Variants in DDI2 observed in about 807,000 individuals in gnomAD.
The protein encoded by DDI2 is DDI proteasomal shuttling factor 2.
DDI2 carries 5 observed loss-of-function variants against 48.1 expected under a neutral mutation model. The observed-to-expected ratio is 0.10, with a 90% CI of 0.05 to 0.22. The LOEUF (loss-of-function observed/expected upper bound fraction) is 0.22. Ranked by LOEUF, DDI2 falls within the 10% of genes least tolerant of loss-of-function variation. The probability of loss-of-function intolerance (pLI) is 1.00; values close to 1 mark genes in which losing one functional copy is unlikely to be tolerated. For missense variants in DDI2, 285 were observed against 506.2 expected (o/e 0.56, Z 4.19); for synonymous variants, 205 against 183.6 (o/e 1.12, Z -0.94).
chr1:15,640,643 C>T (rs1639993059), intron 5 of DDI2, among the ~76,000 whole-genome samples: 1 of 152,130 alleles, frequency 6.6e-6, no homozygotes, highest in Non-Finnish European at 1.5e-5. Context: ...TGAAAGGGGC[C>T]CTTCTCATCC....
intron 2 of DDI2, among the ~76,000 whole-genome samples, chr1:15,629,425 A>G (rs572291991): frequency 1.2e-4 from 19 of 152,020 alleles, no homozygotes; most frequent in African/African-American, 4.6e-4. Context: ...GTGAAATCCC[A>G]TCTCTACTAA....
chr1:15,652,058 CTTTTTTT>C lies in DDI2; in HGVS notation c.1183+181_1183+187del, dbSNP rs772990709. On this transcript the variant is annotated intron_variant, in intron 8 of 9. Transcript: ENST00000480945. ...TTCTTAACCTCCTTCTTTGATCTTC[CTTTTTTT>C]TTTTTTTTTTTTTTTTTGGAGACAT... 9.4e-3 allele frequency among the ~76,000 whole-genome samples: 713 copies of C among 75,978 alleles called. 11 individuals carry two copies. Among genetic ancestry groups the C allele is most frequent in the African/African-American group, 0.041 (624 of 15,238 alleles). 49.8% of individuals were successfully genotyped at this position (75,978 alleles called of 152,430 possible). A position where few individuals can be genotyped will look rare whatever the true frequency, so the allele number is the denominator to read the frequency against.
At chr1:15,630,250 A>C (rs972334868) in intron 2 of DDI2, 75 bp from the exon 3 acceptor site, 9 of 1,355,076 alleles carry the variant, frequency 6.6e-6, no homozygotes, top group Non-Finnish European at 9.4e-6. Flanking sequence ...TGTATGAGCA[A>C]GTGTTCTGCT....
chr1:15,646,396 A>G (rs1320615962), intron 6 of DDI2, among the ~76,000 whole-genome samples: 2 of 152,124 alleles, frequency 1.3e-5, no homozygotes, highest in South Asian at 2.1e-4. Flanking sequence ...TTAAAAATGT[A>G]TGCCTTAGGG....
Position 15,667,752 on chromosome 1 carries a change from G to C in DDI2, c.*7962G>C, listed in dbSNP as rs1479144686. 1 of 152,164 alleles carries C rather than the reference G, an allele frequency of 6.6e-6. No homozygotes were observed. The highest frequency in any genetic ancestry group is 1.5e-5 in the Non-Finnish European group (1 of 68,036). The allele number at this position is 152,164 out of a possible 1,614,324, so 9.4% of individuals were successfully genotyped here. On this transcript the variant is annotated 3_prime_UTR_variant, in exon 10 of 10. Coordinates refer to ENST00000480945, the MANE Select transcript of DDI2 (RefSeq NM_032341.5). Reference sequence around the variant, plus strand: ...CTGAAGCATACAGGTAGAATTTCTGGATCGTAACTACTAGTGACTTCTGAG... The same window carrying C: ...CTGAAGCATACAGGTAGAATTTCTGCATCGTAACTACTAGTGACTTCTGAG...
rs68060891 is a variant in DDI2 at position 15,624,053 on chromosome 1, A to AAAAT, written c.139-2598_139-2595dup. On this transcript the variant is annotated intron_variant, in intron 1 of 9. Coordinates refer to ENST00000480945, the MANE Select transcript of DDI2 (RefSeq NM_032341.5). The stretch of plus-strand genomic sequence containing the variant: ...CTGGGCGAGAGCGAGACTCCGTCTC[A>AAAAT]AAATAAATAAATAAATAAATACCGT... Among the ~76,000 whole-genome samples the AAAAT allele has an allele frequency of 2.3e-4, 35 of 152,212 alleles. No homozygotes were observed. In the East Asian group the frequency reaches 3.1e-3, roughly 13 times the overall value.
At chr1:15,654,547 TTGAGAGGCTGAGA>T (rs138360118) in intron 8 of DDI2, among the ~76,000 whole-genome samples, 5,039 of 151,936 alleles carry the variant, frequency 0.033, 270 homozygotes, top group African/African-American at 0.11. Context: ...TCTCAGCTGT[TTGAGAGGCTGAGA>T]TGGGAGGATC....
At chr1:15,619,060 A>C (rs1639611553) in intron 1 of DDI2, among the ~76,000 whole-genome samples, 1 of 152,234 alleles carries the variant, frequency 6.6e-6, no homozygotes, top group Non-Finnish European at 1.5e-5. Flanking sequence ...TGAATGCCTC[A>C]TGTGGAGAAC....
Position 15,658,091 on chromosome 1 carries a change from A to G in DDI2, c.*46+1412A>G, listed in dbSNP as rs114991421. Among the ~76,000 whole-genome samples the G allele has an allele frequency of 8.7e-3, 1,330 of 152,240 alleles. 18 individuals carry two copies. Among genetic ancestry groups the G allele is most frequent in the African/African-American group, 0.029 (1,218 of 41,536 alleles). On this transcript the variant is annotated intron_variant, in intron 9 of 9. Transcript: ENST00000480945. ...TGAGCATTTGAGTTGCATCTGTCCTAATAATAGATTGTATTTTGAAGTCAT... is the reference window on the plus strand; with the variant it reads ...TGAGCATTTGAGTTGCATCTGTCCTGATAATAGATTGTATTTTGAAGTCAT...
intron 9 of DDI2, among the ~76,000 whole-genome samples, chr1:15,657,628 C>CT (rs1267070485): frequency 6.6e-6 from 1 of 152,160 alleles, no homozygotes; most frequent in Admixed American, 6.5e-5. Context: ...CTTGACCTCA[C>CT]TTGTTTATAA....
rs546387056 is a variant in DDI2 at position 15,659,986 on chromosome 1, A to G, written c.*196A>G. ...CTCTGTCTCTGCTTCAGTCTGCCCT[A>G]TCAAGCCCAGTGACTCAGATCGCAT... is the stretch of plus-strand genomic sequence containing the variant. On this transcript the variant is annotated 3_prime_UTR_variant, in exon 10 of 10. Coordinates refer to ENST00000480945, the MANE Select transcript of DDI2 (RefSeq NM_032341.5). 9.3e-6 allele frequency: 15 copies of G among 1,614,186 alleles called. No individual in the cohort carries two copies. Among genetic ancestry groups the G allele is most frequent in the African/African-American group, 8.0e-5 (6 of 75,040 alleles).
Position 15,662,841 on chromosome 1 carries a change from G to A in DDI2, c.*3051G>A, listed in dbSNP as rs964843042. ...ATAGTAATTACAGTTTCTGACTTAA[G>A]TGGCCTTGGTAGAGTTTTCCATCCT... On this transcript the variant is annotated 3_prime_UTR_variant, in exon 10 of 10. Transcript: ENST00000480945. 3.3e-5 allele frequency: 5 copies of A among 152,242 alleles called. No individual in the cohort carries two copies. The highest frequency in any genetic ancestry group is 7.3e-5 in the Non-Finnish European group (5 of 68,052). The allele number at this position is 152,242 out of a possible 1,614,324, so 9.4% of individuals were successfully genotyped here. A position where few individuals can be genotyped will look rare whatever the true frequency, so the allele number is the denominator to read the frequency against.
Position 15,626,677 on chromosome 1 carries a change from T to C in DDI2, c.147T>C (p.Tyr49=), listed in dbSNP as rs1639759869. The change falls in exon 2 of 10, where the codon TAT becomes TAC. Residue 49 remains tyrosine, a synonymous_variant. Transcript: ENST00000480945. The stretch of plus-strand genomic sequence containing the variant: ...ATCTTTTCTTGTTGTAGATCGTCTA[T>C]GCGGAAAGACCTCTCACAGACAACC... ...GIPAAESQIV[Y]AERPLTDNHR... The C allele has an allele frequency of 1.2e-6, 2 of 1,614,040 alleles. No individual in the cohort carries two copies. Among genetic ancestry groups the C allele is most frequent in the Admixed American group, 1.7e-5 (1 of 59,988 alleles).
At position 15,659,969 on chromosome 1, in the gene DDI2, C is replaced by T. The variant is rs1284622765; in HGVS notation, c.*179C>T. The T allele has an allele frequency of 1.2e-6, 2 of 1,614,214 alleles. No homozygotes were observed. The highest frequency in any genetic ancestry group is 1.7e-6 in the Non-Finnish European group (2 of 1,180,032). ...CCTATGAGTCTTGCTCGCTCTGTCT[C>T]TGCTTCAGTCTGCCCTATCAAGCCC... On this transcript the variant is annotated 3_prime_UTR_variant, in exon 10 of 10. Transcript: ENST00000480945.
At chr1:15,622,156 C>G (rs1373971858) in intron 1 of DDI2, among the ~76,000 whole-genome samples, 1 of 150,532 alleles carries the variant, frequency 6.6e-6, no homozygotes, top group Admixed American at 6.6e-5. Flanking sequence ...TCACTGTATC[C>G]TCAACATGTT....
intron 9 of DDI2, among the ~76,000 whole-genome samples, chr1:15,658,919 C>T (rs1640316023): frequency 6.6e-6 from 1 of 152,130 alleles, no homozygotes. Flanking sequence ...TAGTCATTGC[C>T]AGTTGAAAAA....
At chr1:15,629,448 T>C (rs2103464396) in intron 2 of DDI2, among the ~76,000 whole-genome samples, 2 of 151,842 alleles carry the variant, frequency 1.3e-5, no homozygotes, top group Middle Eastern at 6.8e-3. Flanking sequence ...ATACAAAAAA[T>C]TAGCTGGGCG....
chr1:15,649,384 T>G (rs1379738244), intron 6 of DDI2, among the ~76,000 whole-genome samples: 1 of 145,722 alleles, frequency 6.9e-6, no homozygotes, highest in African/African-American at 2.6e-5. Flanking sequence ...TGAAAAGAAC[T>G]TTTCAGCTGG....
Position 15,660,517 on chromosome 1 carries a change from A to C in DDI2, c.*727A>C, listed in dbSNP as rs1187905628. On this transcript the variant is annotated 3_prime_UTR_variant, in exon 10 of 10. Transcript: ENST00000480945. ...AATTGTTGATTTGGAAGCTACGATG[A>C]AAGGAAATGGGCTCCCACAGAATGT... 1.2e-6 allele frequency: 2 copies of C among 1,613,690 alleles called. No individual in the cohort carries two copies. The highest frequency in any genetic ancestry group is 2.2e-5 in the East Asian group (1 of 44,878).
Sources: allele counts gnomAD v4.1 joint callset (sites outside exome capture counted in the v4.1 genomes callset), GRCh38; gene constraint gnomAD v4.1.1; transcripts MANE v1.5; gene names NCBI Gene and HGNC (gene_info 2026-07-23, HGNC 2026-07-21).